ITGAV: variants seen among roughly 807,000 people sequenced by gnomAD.
The protein encoded by ITGAV is integrin subunit alpha V.
In ITGAV, 76 loss-of-function variants were observed where a neutral mutation model predicts 143.8. The observed-to-expected ratio is 0.53, with a 90% CI of 0.44 to 0.64. The LOEUF is 0.64. Among genes scored for constraint, ITGAV ranks in the 30% least tolerant of loss-of-function variants. The pLI is 0.00. For missense variants in ITGAV, 1,193 were observed against 1,274.7 expected (o/e 0.94, Z 0.98); for synonymous variants, 453 against 446.7 (o/e 1.01, Z -0.18).
intron 5 of ITGAV, among the ~76,000 whole-genome samples, chr2:186,631,752 G>T (rs1687819478): frequency 6.6e-6 from 1 of 152,154 alleles, no homozygotes; most frequent in Non-Finnish European, 1.5e-5. Context: ...AAATTTGTAG[G>T]CTGGGTGCAG....
intron 8 of ITGAV, among the ~76,000 whole-genome samples, chr2:186,637,653 C>T (rs1288520819): frequency 6.6e-6 from 1 of 152,158 alleles, no homozygotes; most frequent in African/African-American, 2.4e-5. Context: ...CTACACTTGG[C>T]TTCAGTGCCT....
At chr2:186,630,072 C>T (rs548180344) in intron 4 of ITGAV, among the ~76,000 whole-genome samples, 3 of 152,090 alleles carry the variant, frequency 2.0e-5, no homozygotes, top group Admixed American at 6.5e-5. Flanking sequence ...ATTAGATCTC[C>T]GTACTAAACG....
At chr2:186,627,842 A>C (rs1411503180) in intron 4 of ITGAV, among the ~76,000 whole-genome samples, 1 of 152,208 alleles carries the variant, frequency 6.6e-6, no homozygotes, top group Non-Finnish European at 1.5e-5. Context: ...CTTAAAGAAC[A>C]GTCTCAAAAA....
chr2:186,637,182 A>T (rs549994404), intron 8 of ITGAV, 73 bp downstream of exon 8: 12 of 1,354,022 alleles, frequency 8.9e-6, no homozygotes, highest in Middle Eastern at 1.8e-4. Flanking sequence ...GGCATTGAAA[A>T]TTTTAAGCAG....
At chr2:186,645,792 C>T (rs1229148686) in intron 12 of ITGAV, among the ~76,000 whole-genome samples, 2 of 151,850 alleles carry the variant, frequency 1.3e-5, no homozygotes, top group Non-Finnish European at 2.9e-5. Context: ...ACCGTGAAAC[C>T]CCGTCTCTAC....
At chr2:186,591,829 A>G (rs909536391) in intron 1 of ITGAV, among the ~76,000 whole-genome samples, 12 of 152,356 alleles carry the variant, frequency 7.9e-5, no homozygotes, top group African/African-American at 2.9e-4. Flanking sequence ...TGTTGTTAGC[A>G]GTTACAGTGC....
intron 1 of ITGAV, among the ~76,000 whole-genome samples, chr2:186,598,730 CTT>C (rs1331740408): frequency 6.6e-6 from 1 of 152,096 alleles, no homozygotes; most frequent in Non-Finnish European, 1.5e-5. Flanking sequence ...TGCCCAACCT[CTT>C]TTTTTCTTAT....
intron 1 of ITGAV, among the ~76,000 whole-genome samples, chr2:186,597,875 A>G (rs187786402): frequency 4.7e-4 from 71 of 152,312 alleles, no homozygotes; most frequent in Admixed American, 2.2e-3. Flanking sequence ...CGAGTTGGAC[A>G]GTTTCATCCC....
intron 1 of ITGAV, among the ~76,000 whole-genome samples, chr2:186,596,287 A>G (rs1368749326): frequency 6.6e-6 from 1 of 152,214 alleles, no homozygotes; most frequent in Non-Finnish European, 1.5e-5. Context: ...AACTGTTTCC[A>G]TTAGATAGTG....
At chr2:186,636,282 T>G (rs1184074575) in intron 7 of ITGAV, 75 bp downstream of exon 7, 21 of 1,158,186 alleles carry the variant, frequency 1.8e-5, no homozygotes, top group Non-Finnish European at 2.4e-5. Context: ...GTCTTTTAAG[T>G]AGAAAAATAT....
chr2:186,645,410 T>G (rs1222898899), intron 12 of ITGAV, among the ~76,000 whole-genome samples: 1 of 151,848 alleles, frequency 6.6e-6, no homozygotes, highest in Non-Finnish European at 1.5e-5. Flanking sequence ...CTTGGTGTGT[T>G]TAATAAACAG....
chr2:186,615,435 T>C (rs1574468396), intron 2 of ITGAV, among the ~76,000 whole-genome samples: 1 of 152,136 alleles, frequency 6.6e-6, no homozygotes, highest in African/African-American at 2.4e-5. Flanking sequence ...TGTATGAGGG[T>C]TTCAGTGTCT....
rs150525133 is a variant in ITGAV at position 186,617,785 on chromosome 2, A to C, written c.317-4554A>C. 4.3e-4 allele frequency among the ~76,000 whole-genome samples: 65 copies of C among 151,522 alleles called. 1 individual carries two copies. The highest frequency in any genetic ancestry group is 3.4e-3 in the Middle Eastern group (1 of 292). ...GTGAGATACTCTTTTTTTCTTTTTTATTTATCTGGGTGAACAGAGCTAATC... is the reference window on the plus strand; with the variant it reads ...GTGAGATACTCTTTTTTTCTTTTTTCTTTATCTGGGTGAACAGAGCTAATC... On this transcript the variant is annotated intron_variant, in intron 2 of 29. Coordinates refer to ENST00000261023, the MANE Select transcript of ITGAV (RefSeq NM_002210.5).
At chr2:186,667,086 T>A in intron 22 of ITGAV, 64 bp from the exon 23 acceptor site, 1 of 1,227,230 alleles carries the variant, frequency 8.1e-7, no homozygotes, top group Non-Finnish European at 1.2e-6. Flanking sequence ...TCACTGGGTT[T>A]GCCTCTGTAT....
chr2:186,593,824 G>C (rs1044462791), intron 1 of ITGAV, among the ~76,000 whole-genome samples: 1 of 151,468 alleles, frequency 6.6e-6, no homozygotes, highest in Non-Finnish European at 1.5e-5. Context: ...CCGAAGACAG[G>C]GTGTAAAATT....
chr2:186,590,873 A>G (rs1686597211), intron 1 of ITGAV, among the ~76,000 whole-genome samples: 1 of 152,132 alleles, frequency 6.6e-6, no homozygotes, highest in Non-Finnish European at 1.5e-5. Flanking sequence ...GATTTGGTCA[A>G]TATCATCCCC....
chr2:186,676,909 G>A lies in ITGAV; in HGVS notation c.3025G>A (p.Ala1009Thr). 6.2e-7 allele frequency: 1 copy of A among 1,613,992 alleles called. No homozygotes were observed. Among genetic ancestry groups the A allele is most frequent in the Non-Finnish European group, 8.5e-7 (1 of 1,179,956 alleles). The change falls in exon 29 of 30, where the codon GCT becomes ACT. Residue 1009 changes from alanine (A) to threonine (T), a missense_variant. Coordinates refer to ENST00000261023, the MANE Select transcript of ITGAV (RefSeq NM_002210.5). ...LAVLAGLLLL[A>T]VLVFVMYRMG... ...AGTTCTAGCAGGATTGTTGCTACTG[G>A]CTGTTTTGGTATTTGTAATGTACAG...
Position 186,630,890 on chromosome 2 carries a change from A to G in ITGAV, c.585+32A>G, listed in dbSNP as rs1186507920. 5 of 1,196,082 alleles carry G rather than the reference A, an allele frequency of 4.2e-6. No individual in the cohort carries two copies. The African/African-American group carries it at 7.5e-5, about 18-fold the overall frequency. 74.1% of individuals were successfully genotyped at this position (1,196,082 alleles called of 1,614,324 possible). A position where few individuals can be genotyped will look rare whatever the true frequency, so the allele number is the denominator to read the frequency against. On this transcript the variant is annotated intron_variant, in intron 5 of 29. Transcript: ENST00000261023. ...TCTTATTTAAGACTGAATGAGATTC[A>G]CATCTACCTTATTGACTAGACTGTG...
At chr2:186,642,066 C>A (rs918360115) in intron 12 of ITGAV, among the ~76,000 whole-genome samples, 1 of 152,182 alleles carries the variant, frequency 6.6e-6, no homozygotes, top group Non-Finnish European at 1.5e-5. Context: ...CCAAAATGTT[C>A]TAAGGGATGT....
Sources: gnomAD v4.1 joint callset for allele counts (sites outside exome capture counted in the v4.1 genomes callset) on GRCh38, gnomAD v4.1.1 for gene constraint, MANE v1.5 for transcripts, NCBI Gene and HGNC (gene_info 2026-07-23, HGNC 2026-07-21) for gene names.